EIPR1: variants seen among roughly 807,000 people sequenced by gnomAD.
EIPR1 encodes the protein EARP complex and GARP complex interacting protein 1, also known as EARP and GARP complex-interacting protein 1.
A neutral mutation model predicts 48.1 loss-of-function variants in EIPR1; 25 were observed. That is an observed-to-expected ratio of 0.52 (90% confidence interval 0.38 to 0.73). The LOEUF is 0.73. EIPR1 is among the 30% of genes least tolerant of loss of function. The pLI is 0.00. For missense variants in EIPR1, 415 were observed against 506.2 expected (o/e 0.82, Z 1.73); for synonymous variants, 204 against 201.9 (o/e 1.01, Z -0.09).
intron 4 of EIPR1, among the ~76,000 whole-genome samples, chr2:3,249,051 G>A (rs1262853329): frequency 6.6e-6 from 1 of 152,238 alleles, no homozygotes; most frequent in Non-Finnish European, 1.5e-5. Context: ...GTACTGAGGA[G>A]GGGAGCATTG....
intron 8 of EIPR1, among the ~76,000 whole-genome samples, chr2:3,191,782 G>T (rs373030411): frequency 6.6e-6 from 1 of 152,198 alleles, no homozygotes; most frequent in Non-Finnish European, 1.5e-5. Flanking sequence ...TGCCCTTAGC[G>T]ATCTCCCATC....
intron 3 of EIPR1, among the ~76,000 whole-genome samples, chr2:3,266,310 C>G (rs1667484677): frequency 6.6e-6 from 1 of 152,234 alleles, no homozygotes; most frequent in Non-Finnish European, 1.5e-5. Context: ...GCAGCCATCT[C>G]TGAGTCTGGC....
At chr2:3,257,148 TA>T in intron 4 of EIPR1, 150 bp downstream of exon 4, 3 of 1,034,140 alleles carry the variant, frequency 2.9e-6, no homozygotes, top group South Asian at 1.9e-5. Flanking sequence ...ACACAGGGAC[TA>T]AAATTAAAAA....
Position 3,312,137 on chromosome 2 carries a change from C to G in EIPR1, c.259+25880G>C, listed in dbSNP as rs1048911030. ...AAGTGCCTGAAGATGAGTCTCGGGA[C>G]GCTCCCAAATTTCCTCAAGTTGCCC... On this transcript the variant is annotated intron_variant, in intron 3 of 8. Coordinates refer to ENST00000382125, the MANE Select transcript of EIPR1 (RefSeq NM_003310.5). This position sits in a 1 kb window ranked among gnomAD's most constrained non-coding sequence, Gnocchi z 5.5. Among the ~76,000 whole-genome samples the G allele has an allele frequency of 6.6e-6, 1 of 152,108 alleles. No individual in the cohort carries two copies. The highest frequency in any genetic ancestry group is 2.4e-5 in the African/African-American group (1 of 41,414).
In EIPR1 at chr2:3,189,055, C is replaced by G; in HGVS notation, c.*279G>C. 3.3e-6 allele frequency: 1 copy of G among 304,618 alleles called. No individual in the cohort carries two copies. Among genetic ancestry groups the G allele is most frequent in the Non-Finnish European group, 6.0e-6 (1 of 166,992 alleles). The allele number at this position is 304,618 out of a possible 1,614,324, so 18.9% of individuals were successfully genotyped here. A position where few individuals can be genotyped will look rare whatever the true frequency, so the allele number is the denominator to read the frequency against. Reference sequence around the variant, plus strand: ...CAGGAACAGACATTTTTTTAAAAAGCGAAACTCCTGACACCCTTAAAACAG... The same window carrying G: ...CAGGAACAGACATTTTTTTAAAAAGGGAAACTCCTGACACCCTTAAAACAG... On this transcript the variant is annotated 3_prime_UTR_variant, in exon 9 of 9. Transcript: ENST00000382125. This position sits in a 1 kb window ranked among gnomAD's most constrained non-coding sequence, Gnocchi z 4.6.
rs375044108 is a variant in EIPR1 at position 3,338,099 on chromosome 2, G to A, written c.177C>T (p.Val59=). Residue 59 remains valine (V), a synonymous_variant, in exon 3 of 9, where the codon GTC becomes GTT. Coordinates refer to ENST00000382125, the MANE Select transcript of EIPR1 (RefSeq NM_003310.5). ...DDENNIINKN[V]LLHQAGEIWH... ...AGATTTCACCCGCTTGATGGAGGAG[G>A]ACATTTTTATTTATAATGTTGTTTT... 1.2e-5 allele frequency: 20 copies of A among 1,612,782 alleles called. No individual in the cohort carries two copies. The highest frequency in any genetic ancestry group is 1.7e-5 in the Non-Finnish European group (20 of 1,179,772).
At position 3,192,532 on chromosome 2, in the gene EIPR1, C is replaced by A; in HGVS notation, c.871G>T (p.Gly291Cys). 2 of 1,613,028 alleles carry A rather than the reference C, an allele frequency of 1.2e-6. No individual in the cohort carries two copies. Among genetic ancestry groups the A allele is most frequent in the Non-Finnish European group, 1.7e-6 (2 of 1,179,900 alleles). The change falls in exon 8 of 9, where the codon GGC becomes TGC. Residue 291 changes from glycine (G) to cysteine (C), a missense_variant. By Grantham distance (159) the Gly-to-Cys change is radical. Transcript: ENST00000382125. ...AGGATGACTCTGCTGTCACTGCTGC[C>A]CGTGAGGACCAGCTGGTCATGAGAG... is the stretch of plus-strand genomic sequence containing the variant. The part of the protein sequence containing the change: ...NHSHDQLVLT[G>C]SSDSRVILSN...
intron 4 of EIPR1, among the ~76,000 whole-genome samples, chr2:3,235,422 GCACA>G (rs200996322): frequency 3.6e-4 from 48 of 133,316 alleles, no homozygotes; most frequent in Middle Eastern, 3.7e-3. Flanking sequence ...ATGCGGGTGC[GCACA>G]CACACACACA....
At chr2:3,195,655 C>G (rs541739960) in intron 6 of EIPR1, among the ~76,000 whole-genome samples, 2 of 152,124 alleles carry the variant, frequency 1.3e-5, no homozygotes, top group Non-Finnish European at 2.9e-5. Flanking sequence ...CGCACGTGCA[C>G]GATGTATTAA....
intron 3 of EIPR1, among the ~76,000 whole-genome samples, chr2:3,269,254 TCGCAC>T (rs1572378639): frequency 2.0e-5 from 3 of 150,008 alleles, no homozygotes; most frequent in East Asian, 2.0e-4. Flanking sequence ...CACTCAGTCA[TCGCAC>T]TCAGTCATGG....
intron 4 of EIPR1, among the ~76,000 whole-genome samples, chr2:3,240,107 C>G (rs560572185): frequency 0.011 from 559 of 52,066 alleles, 5 homozygotes; most frequent in African/African-American, 0.037. Flanking sequence ...AGCCAGCAGA[C>G]CCTTCCTAAA....
intron 3 of EIPR1, among the ~76,000 whole-genome samples, chr2:3,259,102 G>A (rs1300396409): frequency 2.6e-5 from 4 of 152,174 alleles, no homozygotes; most frequent in Non-Finnish European, 2.9e-5. Context: ...ACCCAACAGA[G>A]GTGTAGATTA....
chr2:3,283,598 G>A (rs944981265), intron 3 of EIPR1, among the ~76,000 whole-genome samples: 70 of 152,252 alleles, frequency 4.6e-4, no homozygotes, highest in African/African-American at 1.6e-3. Context: ...ACGCCCAGAC[G>A]GGCAGGAGAG....
At chr2:3,291,074 T>C (rs1009303432) in intron 3 of EIPR1, among the ~76,000 whole-genome samples, 12 of 152,156 alleles carry the variant, frequency 7.9e-5, no homozygotes, top group Non-Finnish European at 1.5e-4. Flanking sequence ...ACGGCTGGCA[T>C]TGATGAGGAT....
At chr2:3,320,090 G>C in intron 3 of EIPR1, 1 of 140,816 alleles carries the variant, frequency 7.1e-6, no homozygotes, top group South Asian at 1.1e-4. Context: ...GGGCAACACC[G>C]CACCTGCAGG....
chr2:3,291,448 C>T (rs1668362697), intron 3 of EIPR1, among the ~76,000 whole-genome samples: 1 of 152,192 alleles, frequency 6.6e-6, no homozygotes, highest in African/African-American at 2.4e-5. Context: ...TCATAACTAT[C>T]TGCTTTCAAA....
At chr2:3,365,931 C>G (rs367953273) in intron 1 of EIPR1, among the ~76,000 whole-genome samples, 6 of 107,850 alleles carry the variant, frequency 5.6e-5, no homozygotes, top group Non-Finnish European at 1.1e-4. Context: ...GTCAGCCCCC[C>G]GCCCGGCCAG....
Position 3,192,437 on chromosome 2 carries a change from C to G in EIPR1, c.966G>C (p.Gln322His), listed in dbSNP as rs1664637561. ...ACTTCTCTTCAGAACGGTGGTCCTCCTGGTCACTGATGTCATCGTCGTCTA... is the reference window on the plus strand; with the variant it reads ...ACTTCTCTTCAGAACGGTGGTCCTCGTGGTCACTGATGTCATCGTCGTCTA... Reference protein sequence around the residue: ...HLVDDDDISDQEDHRSEEKSK... With the variant: ...HLVDDDDISDHEDHRSEEKSK... Residue 322 changes from glutamine (Q) to histidine (H), a missense_variant, in exon 8 of 9, where the codon CAG becomes CAC. Gln to His is a conservative substitution (Grantham distance 24, BLOSUM62 0). Coordinates refer to ENST00000382125, the MANE Select transcript of EIPR1 (RefSeq NM_003310.5). 1 of 1,612,048 alleles carries G rather than the reference C, an allele frequency of 6.2e-7. No homozygotes were observed. The highest frequency in any genetic ancestry group is 2.2e-5 in the East Asian group (1 of 44,842).
intron 3 of EIPR1, among the ~76,000 whole-genome samples, chr2:3,272,859 A>G (rs1324836839): frequency 1.3e-5 from 2 of 152,238 alleles, no homozygotes; most frequent in African/African-American, 2.4e-5. Flanking sequence ...TGAGAAGCAC[A>G]ATAAAGCCCA....
Sources: gnomAD v4.1 joint callset for allele counts (sites outside exome capture counted in the v4.1 genomes callset) on GRCh38, gnomAD v4.1.1 for gene constraint, Gnocchi (gnomAD v3.1) non-coding constraint, MANE v1.5 for transcripts, NCBI Gene and HGNC (gene_info 2026-07-23, HGNC 2026-07-21) for gene names.